LRRC4C: variants seen among roughly 807,000 people sequenced by gnomAD.
LRRC4C encodes leucine rich repeat containing 4C, also known as leucine-rich repeat-containing protein 4C.
In LRRC4C, 5 loss-of-function variants were observed where a neutral mutation model predicts 33.6. That is an observed-to-expected ratio of 0.15 (90% CI 0.08 to 0.31). The LOEUF (loss-of-function observed/expected upper bound fraction) is 0.31. LRRC4C is among the 10% of genes least tolerant of loss of function. The probability of loss-of-function intolerance (pLI) is 1.00; values close to 1 mark genes in which losing one functional copy is unlikely to be tolerated. For missense variants in LRRC4C, 560 were observed against 796.7 expected, an observed-to-expected ratio of 0.70 and a Z score of 3.58; for synonymous variants, 329 against 302.0, an observed-to-expected ratio of 1.09 and a Z score of -0.93.
intron 1 of LRRC4C, among the ~76,000 whole-genome samples, chr11:41,327,504 A>G (rs1951158819): frequency 6.6e-6 from 1 of 152,222 alleles, no homozygotes. Flanking sequence ...CCAATGTAGG[A>G]AACATAGATA....
At chr11:41,207,504 G>A (rs1946648930) in intron 1 of LRRC4C, among the ~76,000 whole-genome samples, 1 of 152,146 alleles carries the variant, frequency 6.6e-6, no homozygotes, top group Non-Finnish European at 1.5e-5. Context: ...GAAGTCAAAA[G>A]AGTAGGGCCT....
chr11:40,217,436 G>A (rs1441163623), intron 5 of LRRC4C, among the ~76,000 whole-genome samples: 1 of 151,966 alleles, frequency 6.6e-6, no homozygotes, highest in African/African-American at 2.4e-5. Context: ...AAAAGACATA[G>A]ATTTTTATAG....
chr11:40,506,651 T>A (rs1267180298), intron 3 of LRRC4C, among the ~76,000 whole-genome samples: 5 of 151,876 alleles, frequency 3.3e-5, no homozygotes, highest in East Asian at 1.9e-4. Context: ...GAAAAAAAAA[T>A]AATTCTAATG....
At chr11:41,163,122 T>A (rs1031439987) in intron 1 of LRRC4C, among the ~76,000 whole-genome samples, 2 of 152,002 alleles carry the variant, frequency 1.3e-5, no homozygotes, top group Non-Finnish European at 2.9e-5. Flanking sequence ...GCCGCCACCA[T>A]GTAAGAAGTG....
chr11:40,423,059 A>G (rs144776674), intron 3 of LRRC4C, among the ~76,000 whole-genome samples: 14 of 152,300 alleles, frequency 9.2e-5, no homozygotes, highest in African/African-American at 3.4e-4. Flanking sequence ...GAAGTGATAT[A>G]TAACAGTATG....
At chr11:41,008,972 A>G (rs1854965690) in intron 1 of LRRC4C, among the ~76,000 whole-genome samples, 1 of 152,060 alleles carries the variant, frequency 6.6e-6, no homozygotes, top group African/African-American at 2.4e-5. Flanking sequence ...CAATTGAACT[A>G]TTTTTAAAAA....
In LRRC4C at chr11:41,316,563, T is replaced by G. The variant is rs113112724; in HGVS notation, c.-496+142868A>C. On this transcript the variant is annotated intron_variant, in intron 1 of 6. Transcript: ENST00000528697. Reference sequence around the variant, plus strand: ...CATGGCAAGTCTCCTCTCTAGGAACTTCAACTCTATTCGTCTGAATTAAGG... The same window carrying G: ...CATGGCAAGTCTCCTCTCTAGGAACGTCAACTCTATTCGTCTGAATTAAGG... Among the ~76,000 whole-genome samples, 651 of 152,334 alleles carry G rather than the reference T, an allele frequency of 4.3e-3. 4 individuals are homozygous for G. Among genetic ancestry groups the G allele is most frequent in the African/African-American group, 0.014 (573 of 41,568 alleles).
intron 2 of LRRC4C, among the ~76,000 whole-genome samples, chr11:40,797,793 T>C (rs1950891817): frequency 6.6e-6 from 1 of 152,150 alleles, no homozygotes. Context: ...CAAAGATAAA[T>C]GTGTTTAAAT....
intron 3 of LRRC4C, among the ~76,000 whole-genome samples, chr11:40,469,778 G>A (rs965977269): frequency 6.6e-6 from 1 of 152,174 alleles, no homozygotes; most frequent in Non-Finnish European, 1.5e-5. Flanking sequence ...AGTTTGAACT[G>A]GGTGGAGCCC....
At chr11:40,677,168 T>G (rs1163887666) in intron 2 of LRRC4C, among the ~76,000 whole-genome samples, 1 of 152,006 alleles carries the variant, frequency 6.6e-6, no homozygotes, top group Non-Finnish European at 1.5e-5. Flanking sequence ...GGTGGATCAC[T>G]TGAGGACAGG....
chr11:41,208,059 C>T (rs1342561192), intron 1 of LRRC4C, among the ~76,000 whole-genome samples: 5 of 152,018 alleles, frequency 3.3e-5, no homozygotes, highest in African/African-American at 1.2e-4. Context: ...GAAAGTATCA[C>T]CTTAGAGAAG....
chr11:41,074,306 A>T (rs1203178085), intron 1 of LRRC4C, among the ~76,000 whole-genome samples: 1 of 152,184 alleles, frequency 6.6e-6, no homozygotes, highest in Non-Finnish European at 1.5e-5. Context: ...AAAACTTCTG[A>T]AGAAAATATA....
At chr11:41,178,492 T>C (rs1035069498) in intron 1 of LRRC4C, among the ~76,000 whole-genome samples, 1 of 152,130 alleles carries the variant, frequency 6.6e-6, no homozygotes, top group Non-Finnish European at 1.5e-5. Context: ...TAGCTGGAAC[T>C]ACAGGGGTGC....
At chr11:40,824,118 T>C (rs1952057305) in intron 2 of LRRC4C, among the ~76,000 whole-genome samples, 1 of 151,786 alleles carries the variant, frequency 6.6e-6, no homozygotes, top group Admixed American at 6.6e-5. Flanking sequence ...AAAACAAATC[T>C]ATAGTTGCCA....
At chr11:41,442,077 C>A (rs2138537951) in intron 1 of LRRC4C, among the ~76,000 whole-genome samples, 1 of 152,178 alleles carries the variant, frequency 6.6e-6, no homozygotes, top group East Asian at 1.9e-4. Context: ...TTTGAAGCTG[C>A]CTTATAATTA....
chr11:40,677,341 G>T (rs181339192), intron 2 of LRRC4C, among the ~76,000 whole-genome samples: 2 of 152,000 alleles, frequency 1.3e-5, no homozygotes, highest in African/African-American at 2.4e-5. Context: ...ACCCAAAATC[G>T]CACCACAGCA....
At chr11:40,913,608 A>G (rs1956796925) in intron 2 of LRRC4C, among the ~76,000 whole-genome samples, 1 of 152,214 alleles carries the variant, frequency 6.6e-6, no homozygotes, top group Non-Finnish European at 1.5e-5. Context: ...AAGATCTAAA[A>G]TTGACACCCT....
At chr11:40,747,723 G>T (rs1465494819) in intron 2 of LRRC4C, among the ~76,000 whole-genome samples, 1 of 151,988 alleles carries the variant, frequency 6.6e-6, no homozygotes, top group Non-Finnish European at 1.5e-5. Flanking sequence ...CATAAAAAAG[G>T]AATCAAACAG....
intron 1 of LRRC4C, among the ~76,000 whole-genome samples, chr11:41,282,743 C>G (rs1949712573): frequency 6.6e-6 from 1 of 152,120 alleles, no homozygotes; most frequent in South Asian, 2.1e-4. Flanking sequence ...TATATGTGGC[C>G]TTTAGGAAGG....
Sources: gnomAD v4.1 joint callset for allele counts (sites outside exome capture counted in the v4.1 genomes callset) on GRCh38, gnomAD v4.1.1 for gene constraint, MANE v1.5 for transcripts, NCBI Gene and HGNC (gene_info 2026-07-23, HGNC 2026-07-21) for gene names.